CHST1: variants seen among roughly 807,000 people sequenced by gnomAD.
The protein encoded by CHST1 is Keratan sulfotransferase.
In CHST1, 10 loss-of-function variants were observed where a neutral mutation model predicts 22.5. The ratio of observed to expected loss-of-function variants is 0.44; its 90% CI spans 0.27 to 0.75. CHST1 has a LOEUF of 0.75. Ranked by LOEUF, CHST1 falls within the 30% of genes least tolerant of loss-of-function variation. CHST1 has a pLI of 0.15. For synonymous variants in CHST1, 267 were observed against 264.5 expected (o/e 1.01, Z -0.09); for missense variants, 439 against 576.1 (o/e 0.76, Z 2.44).
At chr11:45,655,381 C>T (rs550215998) in intron 1 of CHST1, among the ~76,000 whole-genome samples, 2 of 152,364 alleles carry the variant, frequency 1.3e-5, no homozygotes, top group East Asian at 1.9e-4. Context: ...GCTCCTCTCC[C>T]GGCCTGGGAA....
In CHST1 at chr11:45,649,940, C is replaced by A; in HGVS notation, c.984G>T (p.Val328=). ...GCGTGTTGTTCTGGATCCAGCGGGC[C>A]ACGTGGCTGTCCAGCGGGATGCCCA... is the stretch of plus-strand genomic sequence containing the variant. The part of the protein sequence containing the change: ...GFLGIPLDSH[V]ARWIQNNTRG... The change falls in exon 4 of 4, where the codon GTG becomes GTT. Residue 328 remains valine, a synonymous_variant. Transcript: ENST00000308064. 6.2e-7 allele frequency: 1 copy of A among 1,613,354 alleles called. No homozygotes were observed. Among genetic ancestry groups the A allele is most frequent in the South Asian group, 1.1e-5 (1 of 91,086 alleles).
intron 1 of CHST1, among the ~76,000 whole-genome samples, chr11:45,662,035 C>G (rs1363226413): frequency 1.3e-5 from 2 of 152,230 alleles, no homozygotes; most frequent in African/African-American, 4.8e-5. Context: ...AACAATTGAG[C>G]ACTAGAGGTT....
intron 1 of CHST1, among the ~76,000 whole-genome samples, chr11:45,658,209 C>T (rs1184430101): frequency 6.6e-6 from 1 of 152,206 alleles, no homozygotes; most frequent in Non-Finnish European, 1.5e-5. Flanking sequence ...GCGTGAGGCT[C>T]TTAACCTCTA....
chr11:45,660,421 G>A (rs190925494), intron 1 of CHST1, among the ~76,000 whole-genome samples: 4 of 152,240 alleles, frequency 2.6e-5, no homozygotes, highest in Admixed American at 2.6e-4. Flanking sequence ...CAGCTTTGTT[G>A]ACCCTTTTTG....
intron 1 of CHST1, among the ~76,000 whole-genome samples, chr11:45,661,852 G>A (rs1014081483): frequency 2.0e-5 from 3 of 152,166 alleles, no homozygotes; most frequent in Admixed American, 6.5e-5. Context: ...AAGGGAGACC[G>A]GGTAAGGCAT....
intron 1 of CHST1, among the ~76,000 whole-genome samples, chr11:45,655,615 C>T (rs1176602880): frequency 1.3e-5 from 2 of 152,366 alleles, no homozygotes; most frequent in East Asian, 3.9e-4. Flanking sequence ...CCGTGCACCC[C>T]CACCCTAGCC....
chr11:45,649,455 G>T lies in CHST1; in HGVS notation c.*233C>A, dbSNP rs2028984. The T allele has an allele frequency of 2.3e-3, 984 of 419,778 alleles. 1 individual carries two copies. The highest frequency in any genetic ancestry group is 2.8e-3 in the East Asian group (79 of 28,012). 26.0% of individuals were successfully genotyped at this position (419,778 alleles called of 1,614,324 possible). On this transcript the variant is annotated 3_prime_UTR_variant, in exon 4 of 4. Coordinates refer to ENST00000308064, the MANE Select transcript of CHST1 (RefSeq NM_003654.6). ...CCAACATCCATGTGTCTGAATGGGG[G>T]GGGGGGGGGCGGGACCCTACTTCAG...
In CHST1 at chr11:45,660,143, C is replaced by T. The variant is rs560313408; in HGVS notation, c.-227+5035G>A. On this transcript the variant is annotated intron_variant, in intron 1 of 3. Coordinates refer to ENST00000308064, the MANE Select transcript of CHST1 (RefSeq NM_003654.6). ...CTAGCACCATGGTATGACCCTTTCACGCCTCACCTCATTGAATCCTCTCCA... is the reference window on the plus strand; with the variant it reads ...CTAGCACCATGGTATGACCCTTTCATGCCTCACCTCATTGAATCCTCTCCA... 8.5e-5 allele frequency among the ~76,000 whole-genome samples: 13 copies of T among 152,322 alleles called. No individual in the cohort carries two copies. In the South Asian group the frequency reaches 1.0e-3, roughly 12 times the overall value.
At position 45,650,953 on chromosome 11, in the gene CHST1, C is replaced by T; in HGVS notation, c.-30G>A. The T allele has an allele frequency of 6.6e-7, 1 of 1,518,474 alleles. No homozygotes were observed. Among genetic ancestry groups the T allele is most frequent in the Non-Finnish European group, 8.8e-7 (1 of 1,134,852 alleles). 94.1% of individuals were successfully genotyped at this position (1,518,474 alleles called of 1,614,324 possible). Reference sequence around the variant, plus strand: ...GGGCACCTTCATGGGGCTGCTTCTCCAAGGGGTGAGGTCTGTGGGCAAAGG... The same window carrying T: ...GGGCACCTTCATGGGGCTGCTTCTCTAAGGGGTGAGGTCTGTGGGCAAAGG... On this transcript the variant is annotated 5_prime_UTR_variant, in exon 4 of 4. Transcript: ENST00000308064.
intron 1 of CHST1, among the ~76,000 whole-genome samples, chr11:45,664,627 G>C (rs932226440): frequency 6.6e-6 from 1 of 152,270 alleles, no homozygotes; most frequent in African/African-American, 2.4e-5. Flanking sequence ...GGTTGTTCCG[G>C]CTTTCCGTGG....
In CHST1 at chr11:45,648,394, A is replaced by C. The variant is rs1446738373; in HGVS notation, c.*1294T>G. Among the ~76,000 whole-genome samples the C allele has an allele frequency of 6.6e-6, 1 of 152,084 alleles. No individual in the cohort carries two copies. Among genetic ancestry groups the C allele is most frequent in the Non-Finnish European group, 1.5e-5 (1 of 67,996 alleles). On this transcript the variant is annotated 3_prime_UTR_variant, in exon 4 of 4. Transcript: ENST00000308064. Reference sequence around the variant, plus strand: ...CGGTCTCAACTGACTGAAGGAAAAAAAAAACGGCTGGGTGAGGTGGCTCAA... The same window carrying C: ...CGGTCTCAACTGACTGAAGGAAAAACAAAACGGCTGGGTGAGGTGGCTCAA...
chr11:45,660,831 A>G (rs1370158120), intron 1 of CHST1, among the ~76,000 whole-genome samples: 2 of 152,220 alleles, frequency 1.3e-5, no homozygotes, highest in Admixed American at 1.3e-4. Flanking sequence ...ACTCACTGAC[A>G]CTGGCAGAAA....
rs1361906729 is a variant in CHST1 at position 45,650,273 on chromosome 11, G to A, written c.651C>T (p.Arg217=). The A allele has an allele frequency of 8.7e-6, 14 of 1,606,396 alleles. No individual in the cohort carries two copies. Among genetic ancestry groups the A allele is most frequent in the Non-Finnish European group, 1.1e-5 (13 of 1,179,362 alleles). The change falls in exon 4 of 4, where the codon CGC becomes CGT. Residue 217 remains arginine (R), a synonymous_variant. Transcript: ENST00000308064. The part of the protein sequence containing the change: ...TVRVPEVNDL[R]ALVEDPRLNL... Reference sequence around the variant, plus strand: ...TTAATCGCGGGTCTTCCACCAGGGCGCGCAGGTCGTTCACCTCGGGCACGC... The same window carrying A: ...TTAATCGCGGGTCTTCCACCAGGGCACGCAGGTCGTTCACCTCGGGCACGC...
intron 1 of CHST1, among the ~76,000 whole-genome samples, chr11:45,663,352 G>A (rs563399651): frequency 2.5e-4 from 38 of 152,270 alleles, no homozygotes; most frequent in African/African-American, 8.4e-4. Context: ...GGGCCCTGTC[G>A]GCAAGGGTTG....
chr11:45,663,342 G>C (rs1383588270), intron 1 of CHST1, among the ~76,000 whole-genome samples: 1 of 152,170 alleles, frequency 6.6e-6, no homozygotes, highest in Non-Finnish European at 1.5e-5. Context: ...CCAGGAGCTA[G>C]GGCCCTGTCG....
intron 1 of CHST1, among the ~76,000 whole-genome samples, chr11:45,657,747 C>A (rs1852080404): frequency 6.6e-6 from 1 of 152,178 alleles, no homozygotes; most frequent in Non-Finnish European, 1.5e-5. Context: ...CCCAAGGGAC[C>A]CCTTCTCTTT....
In CHST1 at chr11:45,665,482, G is replaced by A. The variant is rs1852188906; in HGVS notation, c.-531C>T. On this transcript the variant is annotated 5_prime_UTR_variant, in exon 1 of 4. Transcript: ENST00000308064. The surrounding 1 kb of genome is among the most constrained non-coding windows in gnomAD (Gnocchi z 4.0). Reference sequence around the variant, plus strand: ...GGGGCTCAGGGACCCGAGAGATGCCGGGACAGGGGCCGGGACCCGGAGCGC... The same window carrying A: ...GGGGCTCAGGGACCCGAGAGATGCCAGGACAGGGGCCGGGACCCGGAGCGC... The A allele has an allele frequency of 1.3e-5, 2 of 151,698 alleles. No homozygotes were observed. The highest frequency in any genetic ancestry group is 4.1e-4 in the South Asian group (2 of 4,832). The allele number at this position is 151,698 out of a possible 1,614,324, so 9.4% of individuals were successfully genotyped here.
intron 1 of CHST1, among the ~76,000 whole-genome samples, chr11:45,658,850 C>A (rs1401763298): frequency 1.3e-5 from 2 of 152,246 alleles, no homozygotes; most frequent in East Asian, 3.9e-4. Flanking sequence ...GGCCCCACCC[C>A]CTGGACACCG....
Position 45,649,717 on chromosome 11 carries a change from C to T in CHST1, c.1207G>A (p.Glu403Lys). 1 of 1,596,630 alleles carries T rather than the reference C, an allele frequency of 6.3e-7. No homozygotes were observed. The highest frequency in any genetic ancestry group is 1.3e-5 in the African/African-American group (1 of 74,742). The change falls in exon 4 of 4, where the codon GAG becomes AAG. Residue 403 changes from glutamate (E) to lysine (K), a missense_variant. Transcript: ENST00000308064. ...GAGAAGGGGCGGAAGTCCCGCTCCT[C>T]CACCAGGCTGACCGAGGGGTTCTTC... ...ELKNPSVSLV[E>K]ERDFRPFS
Sources: gnomAD v4.1 joint callset for allele counts (sites outside exome capture counted in the v4.1 genomes callset) on GRCh38, gnomAD v4.1.1 for gene constraint, Gnocchi (gnomAD v3.1) non-coding constraint, MANE v1.5 for transcripts, NCBI Gene and HGNC (gene_info 2026-07-23, HGNC 2026-07-21) for gene names.